Variants in ITGA1 observed in about 807,000 individuals in gnomAD.
ITGA1 encodes the protein integrin subunit alpha 1.
ITGA1 carries 85 observed loss-of-function variants against 145.9 expected under a neutral mutation model. That is an observed-to-expected ratio of 0.58 (90% confidence interval 0.49 to 0.70). The LOEUF (loss-of-function observed/expected upper bound fraction) is 0.70. ITGA1 is among the 30% of genes least tolerant of loss of function. The pLI is 0.00. For missense variants in ITGA1, 1,351 were observed against 1,418.7 expected (o/e 0.95, Z 0.77); for synonymous variants, 520 against 495.3 (o/e 1.05, Z -0.66).
intron 6 of ITGA1, among the ~76,000 whole-genome samples, chr5:52,868,593 A>G (rs907317795): frequency 1.3e-5 from 2 of 152,176 alleles, no homozygotes; most frequent in Non-Finnish European, 2.9e-5. Context: ...TCTGGAGGGA[A>G]CAATGGCTCT....
At chr5:52,842,878 G>C (rs1178324282) in intron 1 of ITGA1, among the ~76,000 whole-genome samples, 1 of 151,946 alleles carries the variant, frequency 6.6e-6, no homozygotes, top group Non-Finnish European at 1.5e-5. Context: ...TTTTAGTAGA[G>C]ATGGGGTTTC....
At chr5:52,801,514 T>C (rs200982774) in intron 1 of ITGA1, 1 of 1,614,050 alleles carries the variant, frequency 6.2e-7, no homozygotes, top group East Asian at 2.2e-5. Flanking sequence ...AGTCAAAGCC[T>C]TGGATGACTT....
chr5:52,871,979 T>G (rs776688846), intron 6 of ITGA1, among the ~76,000 whole-genome samples: 3 of 152,166 alleles, frequency 2.0e-5, no homozygotes, highest in Non-Finnish European at 4.4e-5. Flanking sequence ...CTTTTAATAA[T>G]AAATGAAGAT....
At chr5:52,834,339 G>A (rs1749121424) in intron 1 of ITGA1, among the ~76,000 whole-genome samples, 1 of 152,086 alleles carries the variant, frequency 6.6e-6, no homozygotes, top group South Asian at 2.1e-4. Context: ...CTTTCAGCTT[G>A]ATTTTTGATG....
intron 2 of ITGA1, among the ~76,000 whole-genome samples, chr5:52,857,133 C>A (rs1441937616): frequency 6.6e-6 from 1 of 152,194 alleles, no homozygotes; most frequent in African/African-American, 2.4e-5. Flanking sequence ...ATCCTAGATT[C>A]AATGGGTGGA....
intron 28 of ITGA1, among the ~76,000 whole-genome samples, chr5:52,951,479 T>C (rs1751218361): frequency 6.6e-6 from 1 of 152,208 alleles, no homozygotes; most frequent in African/African-American, 2.4e-5. Flanking sequence ...CAAAGCATAA[T>C]GAAATATGGC....
At chr5:52,825,385 C>G (rs1430780086) in intron 1 of ITGA1, among the ~76,000 whole-genome samples, 2 of 152,172 alleles carry the variant, frequency 1.3e-5, no homozygotes, top group African/African-American at 2.4e-5. Context: ...GAACAAGTAA[C>G]AGCAAGTGCT....
At chr5:52,839,254 AC>A (rs2111735486) in intron 1 of ITGA1, among the ~76,000 whole-genome samples, 1 of 152,320 alleles carries the variant, frequency 6.6e-6, no homozygotes, top group African/African-American at 2.4e-5. Context: ...TTTCTAAAAA[AC>A]TTTTTACTTT....
chr5:52,805,562 C>A (rs1177085134), intron 1 of ITGA1, among the ~76,000 whole-genome samples: 2 of 151,960 alleles, frequency 1.3e-5, no homozygotes, highest in African/African-American at 4.8e-5. Context: ...TCTCAGATTT[C>A]TTGAGTGGTG....
intron 1 of ITGA1, among the ~76,000 whole-genome samples, chr5:52,839,950 G>A (rs1749226992): frequency 6.6e-6 from 1 of 152,128 alleles, no homozygotes; most frequent in South Asian, 2.1e-4. Flanking sequence ...AAGTCATCCA[G>A]AAAAATTAGC....
chr5:52,883,592 C>T (rs1050457159), intron 7 of ITGA1, among the ~76,000 whole-genome samples: 1 of 152,052 alleles, frequency 6.6e-6, no homozygotes, highest in African/African-American at 2.4e-5. Flanking sequence ...TTTTAGAATT[C>T]TTTACCTTCA....
At position 52,933,900 on chromosome 5, in the gene ITGA1, A is replaced by G; in HGVS notation, c.2868A>G (p.Ala956=). Residue 956 remains alanine, a synonymous_variant, in exon 23 of 29, where the codon GCA becomes GCG. Coordinates refer to ENST00000282588, the MANE Select transcript of ITGA1 (RefSeq NM_181501.2). ...TTCTAATTAATTTTTTAAGCTCTGC[A>G]AGTGAATACCACATTTCAATTGCTG... The part of the protein sequence containing the change: ...YEVGLQFYSS[A]SEYHISIAAN... The G allele has an allele frequency of 6.7e-7, 1 of 1,483,636 alleles. No homozygotes were observed. 91.9% of individuals were successfully genotyped at this position (1,483,636 alleles called of 1,614,324 possible). A position where few individuals can be genotyped will look rare whatever the true frequency, so the allele number is the denominator to read the frequency against.
At chr5:52,911,642 T>TGTATCTACTATATATACTATATATAGG (rs1750540141) in intron 14 of ITGA1, among the ~76,000 whole-genome samples, 1 of 118,182 alleles carries the variant, frequency 8.5e-6, no homozygotes, top group Non-Finnish European at 1.7e-5. Context: ...CTATATATAG[T>TGTATCTACTATATATACTATATATAGG]GTATCTACTA....
At chr5:52,932,297 G>A (rs1750904562) in intron 22 of ITGA1, 161 bp downstream of exon 22, 1 of 570,142 alleles carries the variant, frequency 1.8e-6, no homozygotes, top group Non-Finnish European at 3.1e-6. Flanking sequence ...CTCGGAGGAT[G>A]GGGTTAAACA....
intron 24 of ITGA1, among the ~76,000 whole-genome samples, chr5:52,938,020 A>C (rs991348644): frequency 2.0e-5 from 3 of 152,040 alleles, no homozygotes; most frequent in Admixed American, 2.0e-4. Flanking sequence ...TCATCTGGAG[A>C]TCCTTAATAT....
chr5:52,954,340 G>A lies in ITGA1; in HGVS notation c.*1889G>A, dbSNP rs939111564. On this transcript the variant is annotated 3_prime_UTR_variant, in exon 29 of 29. Coordinates refer to ENST00000282588, the MANE Select transcript of ITGA1 (RefSeq NM_181501.2). ...GCAAGATCTTAGTAGTAAAGCTAAC[G>A]GATCCATTGAAATTCATACTCAGCA... is the stretch of plus-strand genomic sequence containing the variant. 6.6e-6 allele frequency: 1 copy of A among 152,080 alleles called. No individual in the cohort carries two copies. The highest frequency in any genetic ancestry group is 1.5e-5 in the Non-Finnish European group (1 of 68,040). 9.4% of individuals were successfully genotyped at this position (152,080 alleles called of 1,614,324 possible). A position where few individuals can be genotyped will look rare whatever the true frequency, so the allele number is the denominator to read the frequency against.
chr5:52,955,954 TATATAC>T lies in ITGA1; in HGVS notation c.*3505_*3510del, dbSNP rs1751297509. The T allele has an allele frequency of 6.6e-6, 1 of 151,738 alleles. No individual in the cohort carries two copies. Among genetic ancestry groups the T allele is most frequent in the African/African-American group, 2.4e-5 (1 of 41,308 alleles). 9.4% of individuals were successfully genotyped at this position (151,738 alleles called of 1,614,324 possible). On this transcript the variant is annotated 3_prime_UTR_variant, in exon 29 of 29. Coordinates refer to ENST00000282588, the MANE Select transcript of ITGA1 (RefSeq NM_181501.2). Reference sequence around the variant, plus strand: ...GCGTATATACATATATATATATATATATATACACATACACTCACATGCAGATATTTA... The same window carrying T: ...GCGTATATACATATATATATATATATACATACACTCACATGCAGATATTTA...
rs748043463 is a variant in ITGA1, at chr5:52,937,442, G to A, written c.3006G>A (p.Leu1002=). 6.2e-6 allele frequency: 10 copies of A among 1,613,608 alleles called. No individual in the cohort carries two copies. The Admixed American group carries it at 1.7e-4, about 27-fold the overall frequency. Residue 1002 remains leucine (L), a synonymous_variant, in exon 24 of 29, where the codon CTG becomes CTA. Coordinates refer to ENST00000282588, the MANE Select transcript of ITGA1 (RefSeq NM_181501.2). ...CTTTTCCAATGCCAGAGCTTAAGCT[G>A]TCAATTTCATTCCCCAATATGACAT... The part of the protein sequence containing the change: ...SGSFPMPELK[L]SISFPNMTSN...
At chr5:52,912,017 T>C (rs1272545743) in intron 14 of ITGA1, among the ~76,000 whole-genome samples, 1 of 128,176 alleles carries the variant, frequency 7.8e-6, no homozygotes, top group Non-Finnish European at 1.7e-5. Context: ...ATATACTATA[T>C]GTATAGTGTG....
Sources: gnomAD v4.1 joint callset for allele counts (sites outside exome capture counted in the v4.1 genomes callset) on GRCh38, gnomAD v4.1.1 for gene constraint, MANE v1.5 for transcripts, NCBI Gene and HGNC (gene_info 2026-07-23, HGNC 2026-07-21) for gene names.